The following TCF7L1 variants were observed in gnomAD, a reference collection of about 807,000 sequenced individuals.
TCF7L1 encodes transcription factor 7-like 1.
Under a neutral mutation model 63.7 loss-of-function variants are expected in TCF7L1, and 18 were observed. That is an observed-to-expected ratio of 0.28 (90% CI 0.20 to 0.42). TCF7L1 has a LOEUF of 0.42. Among genes scored for constraint, TCF7L1 ranks in the 10% least tolerant of loss-of-function variants. The probability of loss-of-function intolerance (pLI) is 1.00; values close to 1 mark genes in which losing one functional copy is unlikely to be tolerated. For missense variants in TCF7L1, 654 were observed against 779.3 expected (o/e 0.84, Z 1.91); for synonymous variants, 355 against 340.9 (o/e 1.04, Z -0.46).
At chr2:85,197,405 A>T (rs578044607) in intron 3 of TCF7L1, among the ~76,000 whole-genome samples, 18 of 152,222 alleles carry the variant, frequency 1.2e-4, no homozygotes, top group African/African-American at 3.9e-4. Flanking sequence ...TGTCTCAAAA[A>T]ATATATATAT....
chr2:85,199,452 C>T (rs1490448346), intron 3 of TCF7L1, among the ~76,000 whole-genome samples: 2 of 152,156 alleles, frequency 1.3e-5, no homozygotes, highest in Non-Finnish European at 2.9e-5. Context: ...AAACCAACAC[C>T]AGGGACTCTT....
chr2:85,152,797 A>T lies in TCF7L1; in HGVS notation c.441+18347A>T, dbSNP rs539514785. Reference sequence around the variant, plus strand: ...TTCTGTTCATCAATCCCCCTACTTAATAGTTGTATAATTTTACATGATAAT... The same window carrying T: ...TTCTGTTCATCAATCCCCCTACTTATTAGTTGTATAATTTTACATGATAAT... On this transcript the variant is annotated intron_variant, in intron 3 of 11. Transcript: ENST00000282111. Among the ~76,000 whole-genome samples, 4 of 152,186 alleles carry T rather than the reference A, an allele frequency of 2.6e-5. No homozygotes were observed. The East Asian group carries it at 5.8e-4, about 22-fold the overall frequency.
At chr2:85,278,768 CTG>C (rs750612372) in intron 3 of TCF7L1, among the ~76,000 whole-genome samples, 2 of 152,242 alleles carry the variant, frequency 1.3e-5, no homozygotes, top group South Asian at 2.1e-4. Context: ...GATTGGAAAA[CTG>C]TGTATCTGTC....
At position 85,304,281 on chromosome 2, in the gene TCF7L1, C is replaced by A. The variant is rs1682053467; in HGVS notation, c.788C>A (p.Pro263His). 6.2e-7 allele frequency: 1 copy of A among 1,613,996 alleles called. No homozygotes were observed. Among genetic ancestry groups the A allele is most frequent in the Non-Finnish European group, 8.5e-7 (1 of 1,180,006 alleles). Residue 263 changes from proline (P) to histidine (H), a missense_variant, in exon 7 of 12, where the codon CCT becomes CAT. Transcript: ENST00000282111. ...CAAGGCCAGCCCATGTACTCCCTTC[C>A]TCCCGGTGGCTTCCGGCACCCTTAC... ...PQQGQPMYSL[P>H]PGGFRHPYPA...
Position 85,306,095 on chromosome 2 carries a change from A to C in TCF7L1, c.990-111A>C, listed in dbSNP as rs1682101686. 2 of 1,335,354 alleles carry C rather than the reference A, an allele frequency of 1.5e-6. No individual in the cohort carries two copies. Among genetic ancestry groups the C allele is most frequent in the African/African-American group, 2.9e-5 (2 of 68,850 alleles). 82.7% of individuals were successfully genotyped at this position (1,335,354 alleles called of 1,614,324 possible). A position where few individuals can be genotyped will look rare whatever the true frequency, so the allele number is the denominator to read the frequency against. The stretch of plus-strand genomic sequence containing the variant: ...CATGGGGCCACTTGAATTAGCATCC[A>C]GGCAGCCCGCGCCCCTCCCCAGAGA... On this transcript the variant is annotated intron_variant, in intron 8 of 11. Coordinates refer to ENST00000282111, the MANE Select transcript of TCF7L1 (RefSeq NM_031283.3). The surrounding 1 kb of genome is among the most constrained non-coding windows in gnomAD (Gnocchi z 4.3).
chr2:85,172,126 A>G (rs1177475431), intron 3 of TCF7L1, among the ~76,000 whole-genome samples: 6 of 152,066 alleles, frequency 3.9e-5, no homozygotes, highest in Admixed American at 3.9e-4. Context: ...CCACGTGTCC[A>G]CCAGGGGAGC....
intron 4 of TCF7L1, among the ~76,000 whole-genome samples, chr2:85,290,628 A>G (rs1178008048): frequency 1.3e-5 from 2 of 152,224 alleles, no homozygotes; most frequent in African/African-American, 4.8e-5. Context: ...ATGAAAAGTA[A>G]AAATAAAAAA....
chr2:85,249,107 AC>A (rs1345598498), intron 3 of TCF7L1, among the ~76,000 whole-genome samples: 1 of 152,174 alleles, frequency 6.6e-6, no homozygotes, highest in Admixed American at 6.5e-5. Flanking sequence ...GCAGACTATG[AC>A]TGTTTGCATT....
Position 85,149,820 on chromosome 2 carries a change from C to T in TCF7L1, c.441+15370C>T, listed in dbSNP as rs186132702. ...GATTACAGGCGTGAGCCACCGCGCC[C>T]GGCTCTGTAACTTTTTTCTGAGCCA... On this transcript the variant is annotated intron_variant, in intron 3 of 11. Transcript: ENST00000282111. 1.6e-4 allele frequency among the ~76,000 whole-genome samples: 24 copies of T among 152,286 alleles called. No individual in the cohort carries two copies. The East Asian group carries it at 4.4e-3, about 28-fold the overall frequency.
intron 4 of TCF7L1, among the ~76,000 whole-genome samples, chr2:85,291,874 T>G (rs1343310042): frequency 6.6e-6 from 1 of 151,968 alleles, no homozygotes; most frequent in Non-Finnish European, 1.5e-5. Flanking sequence ...TCCAGCTATT[T>G]TTATTATTTG....
chr2:85,149,293 GTA>G (rs1302046621), intron 3 of TCF7L1, among the ~76,000 whole-genome samples: 1 of 141,406 alleles, frequency 7.1e-6, no homozygotes, highest in Non-Finnish European at 1.5e-5. Flanking sequence ...ATATATGTGT[GTA>G]TATGTGTATA....
intron 3 of TCF7L1, among the ~76,000 whole-genome samples, chr2:85,255,942 ATGAT>A (rs553370547): frequency 8.5e-5 from 13 of 152,084 alleles, no homozygotes; most frequent in Non-Finnish European, 1.5e-4. Flanking sequence ...CTCCCCGGGG[ATGAT>A]TGTCTGAGTT....
chr2:85,253,975 G>T lies in TCF7L1; in HGVS notation c.442-29520G>T, dbSNP rs1680648327. On this transcript the variant is annotated intron_variant, in intron 3 of 11. Coordinates refer to ENST00000282111, the MANE Select transcript of TCF7L1 (RefSeq NM_031283.3). ...GGGAGTGGCAGCAGGAGACTGAGTG[G>T]GAGCCCTTGGGTCTTTGGGATGGTT... 2.0e-5 allele frequency among the ~76,000 whole-genome samples: 3 copies of T among 152,356 alleles called. No individual in the cohort carries two copies. The South Asian group carries it at 6.2e-4, about 32-fold the overall frequency.
intron 3 of TCF7L1, among the ~76,000 whole-genome samples, chr2:85,221,608 G>A (rs1679842145): frequency 6.6e-6 from 1 of 152,082 alleles, no homozygotes; most frequent in South Asian, 2.1e-4. Flanking sequence ...GGGATGGGGG[G>A]CAAACTCATA....
Position 85,305,370 on chromosome 2 carries a change from C to T in TCF7L1, c.956C>T (p.Pro319Leu), listed in dbSNP as rs138614113. 3.3e-4 allele frequency: 530 copies of T among 1,613,492 alleles called. 2 individuals carry two copies. In the African/African-American group the frequency reaches 6.2e-3, roughly 19 times the overall value. Residue 319 changes from proline (P) to leucine (L), a missense_variant, in exon 8 of 12, where the codon CCG becomes CTG. Around this residue, in one of 3 missense-constraint regions of TCF7L1, gnomAD observed 404 missense variants for 454.8 expected, o/e 0.89. Coordinates refer to ENST00000282111, the MANE Select transcript of TCF7L1 (RefSeq NM_031283.3). ...GTCTCCCCCATCGTCAAGCAGGAAC[C>T]GGCACCCCCCAGCCTGAGCCCTGCA... ...AIVSPIVKQEPAPPSLSPAVS... is the reference protein window; with the variant it reads ...AIVSPIVKQELAPPSLSPAVS...
At chr2:85,226,204 C>T (rs1188335682) in intron 3 of TCF7L1, among the ~76,000 whole-genome samples, 2 of 152,154 alleles carry the variant, frequency 1.3e-5, no homozygotes, top group Non-Finnish European at 2.9e-5. Flanking sequence ...ATCTTCGCAT[C>T]GATGTTCATC....
chr2:85,187,536 G>T (rs1678953124), intron 3 of TCF7L1, among the ~76,000 whole-genome samples: 1 of 152,200 alleles, frequency 6.6e-6, no homozygotes, highest in African/African-American at 2.4e-5. Context: ...TTAGGTTGAG[G>T]TTGATTTTTT....
chr2:85,307,122 A>G (rs926931638), intron 10 of TCF7L1, among the ~76,000 whole-genome samples: 5 of 151,928 alleles, frequency 3.3e-5, no homozygotes, highest in African/African-American at 1.2e-4. Flanking sequence ...CGATTTCATA[A>G]CACAGGGCAC....
In TCF7L1 at chr2:85,307,927, A is replaced by G. The variant is rs570554089; in HGVS notation, c.1333+210A>G. Among the ~76,000 whole-genome samples, 5 of 152,280 alleles carry G rather than the reference A, an allele frequency of 3.3e-5. No individual in the cohort carries two copies. In the South Asian group the frequency reaches 1.0e-3, roughly 32 times the overall value. The stretch of plus-strand genomic sequence containing the variant: ...ACTCTGCTTCAGTGGTGGTGGTAGG[A>G]TTTGATCCCAGGACTTTGTCACTTC... On this transcript the variant is annotated intron_variant, in intron 11 of 11. Transcript: ENST00000282111.
Sources: gnomAD v4.1 joint callset for allele counts (sites outside exome capture counted in the v4.1 genomes callset) on GRCh38, gnomAD v4.1.1 for gene constraint, gnomAD v4.1.1 regional missense constraint, Gnocchi (gnomAD v3.1) non-coding constraint, MANE v1.5 for transcripts, NCBI Gene and HGNC (gene_info 2026-07-23, HGNC 2026-07-21) for gene names.